HSPE1: variants seen among roughly 807,000 people sequenced by gnomAD.
The protein encoded by HSPE1 is heat shock protein family E (Hsp10) member 1, also known as 10 kDa heat shock protein, mitochondrial.
In HSPE1, 1 loss-of-function variant was observed where a neutral mutation model predicts 13.2. The ratio of observed to expected loss-of-function variants is 0.08; its 90% confidence interval spans 0.03 to 0.36. The LOEUF is 0.36. HSPE1 is among the 10% of genes least tolerant of loss of function. The probability of loss-of-function intolerance (pLI) is 0.99; values close to 1 mark genes in which losing one functional copy is unlikely to be tolerated. For synonymous variants in HSPE1, 44 were observed against 42.0 expected (o/e 1.05, Z -0.19); for missense variants, 73 against 118.7 (o/e 0.62, Z 1.79).
Position 197,500,426 on chromosome 2 carries a change from C to G in HSPE1, c.-11C>G, listed in dbSNP as rs779789550. On this transcript the variant is annotated 5_prime_UTR_variant, in exon 1 of 4. Transcript: ENST00000233893. Reference sequence around the variant, plus strand: ...ACTAGAGCAGAGTACGAGTCTGAGGCGGAGGGAGTAATGGTGAGTCCCGCG... The same window carrying G: ...ACTAGAGCAGAGTACGAGTCTGAGGGGGAGGGAGTAATGGTGAGTCCCGCG... The G allele has an allele frequency of 4.8e-5, 76 of 1,583,224 alleles. No individual in the cohort carries two copies. Among genetic ancestry groups the G allele is most frequent in the Middle Eastern group, 3.4e-4 (2 of 5,942 alleles).
chr2:197,501,145 T>C lies in HSPE1; in HGVS notation c.75T>C (p.Thr25=). ...TGGTTGAAAGGAGTGCTGCTGAAAC[T>C]GTAACCAAAGGAGGCATTATGCTTC... ...RVLVERSAAE[T]VTKGGIMLPE... Residue 25 remains threonine, a synonymous_variant, in exon 2 of 4, where the codon ACT becomes ACC. Transcript: ENST00000233893. The C allele has an allele frequency of 1.9e-6, 3 of 1,614,170 alleles. No homozygotes were observed. The highest frequency in any genetic ancestry group is 8.5e-7 in the Non-Finnish European group (1 of 1,179,994).
chr2:197,501,104 C>A lies in HSPE1; in HGVS notation c.34C>A (p.Leu12Ile), dbSNP rs2086248653. The change falls in exon 2 of 4, where the codon CTC becomes ATC. Residue 12 changes from leucine to isoleucine, a missense_variant. Leu to Ile is a conservative substitution (Grantham distance 5, BLOSUM62 2). Transcript: ENST00000233893. ...ACAAGCGTTTAGAAAGTTTCTTCCA[C>A]TCTTTGACCGAGTATTGGTTGAAAG... Reference protein sequence around the residue: ...AGQAFRKFLPLFDRVLVERSA... With the variant: ...AGQAFRKFLPIFDRVLVERSA... 3.7e-6 allele frequency: 6 copies of A among 1,613,868 alleles called. No homozygotes were observed. The highest frequency in any genetic ancestry group is 5.1e-6 in the Non-Finnish European group (6 of 1,179,904).
chr2:197,500,868 A>C lies in HSPE1; in HGVS notation c.4-206A>C. The C allele has an allele frequency of 9.4e-6, 6 of 637,454 alleles. No homozygotes were observed. In the South Asian group the frequency reaches 1.3e-4, roughly 14 times the overall value. The allele number at this position is 637,454 out of a possible 1,614,324, so 39.5% of individuals were successfully genotyped here. On this transcript the variant is annotated intron_variant, in intron 1 of 3. Transcript: ENST00000233893. ...GGTCTGGTTGCTCACCGGAGGAGCG[A>C]CAACGACCCCTAACAGACGTAAGGA...
At chr2:197,502,810 C>T (rs2106087052) in intron 2 of HSPE1, among the ~76,000 whole-genome samples, 1 of 152,152 alleles carries the variant, frequency 6.6e-6, no homozygotes, top group South Asian at 2.1e-4. Flanking sequence ...ACGTTGGAGT[C>T]AGGTTTTAGT....
Position 197,501,224 on chromosome 2 carries a change from G to T in HSPE1, c.154G>T (p.Gly52Cys). The change falls in exon 2 of 4, where the codon GGT becomes TGT. Residue 52 changes from glycine (G) to cysteine (C), a missense_variant. Transcript: ENST00000233893. ...AGCAACAGTAGTCGCTGTTGGATCG[G>T]GTTCTAAAGGAAAGGTAAATGGGAG... ...LQATVVAVGS[G>C]SKGKGGEIQP... 1 of 1,611,916 alleles carries T rather than the reference G, an allele frequency of 6.2e-7. No homozygotes were observed. Among genetic ancestry groups the T allele is most frequent in the South Asian group, 1.1e-5 (1 of 90,812 alleles).
At chr2:197,501,653 C>T (rs1389112061) in intron 2 of HSPE1, 1 of 152,588 alleles carries the variant, frequency 6.6e-6, no homozygotes, top group Non-Finnish European at 1.5e-5. Context: ...ATCCCAGCTA[C>T]TGGGGAGGCT....
In HSPE1 at chr2:197,503,100, G is replaced by A; in HGVS notation, c.230G>A (p.Gly77Glu). ...VGDKVLLPEY[G>E]GTKVVLDDKD... ...GATAAAGTTCTTCTCCCAGAATATG[G>A]AGGCACCAAAGTAGTTCTAGATGAC... is the stretch of plus-strand genomic sequence containing the variant. Residue 77 changes from glycine to glutamate, a missense_variant, in exon 3 of 4, where the codon GGA (glycine) becomes GAA (glutamate). Transcript: ENST00000233893. 6.2e-7 allele frequency: 1 copy of A among 1,608,232 alleles called. No homozygotes were observed. The highest frequency in any genetic ancestry group is 8.5e-7 in the Non-Finnish European group (1 of 1,175,734).
At chr2:197,501,686 C>T (rs991226840) in intron 2 of HSPE1, 3 of 152,070 alleles carry the variant, frequency 2.0e-5, no homozygotes, top group African/African-American at 7.3e-5. Context: ...TCATTTGAAC[C>T]CTGGAGGCGG....
At position 197,502,952 on chromosome 2, in the gene HSPE1, T is replaced by G. The variant is rs1263558729; in HGVS notation, c.169-87T>G. 5.6e-6 allele frequency: 4 copies of G among 717,700 alleles called. No individual in the cohort carries two copies. The African/African-American group carries it at 7.1e-5, about 13-fold the overall frequency. The allele number at this position is 717,700 out of a possible 1,614,324, so 44.5% of individuals were successfully genotyped here. A position where few individuals can be genotyped will look rare whatever the true frequency, so the allele number is the denominator to read the frequency against. On this transcript the variant is annotated intron_variant, in intron 2 of 3. Transcript: ENST00000233893. ...ATATAATTGGATTTGAGTGACCATG[T>G]TTCATTAGTTGTAGTGATTTAAAAG... is the stretch of plus-strand genomic sequence containing the variant.
chr2:197,500,591 CCCGA>C (rs2086238803), intron 1 of HSPE1, 152 bp downstream of exon 1: 2 of 1,202,466 alleles, frequency 1.7e-6, no homozygotes, highest in African/African-American at 3.0e-5. Flanking sequence ...GCAAGGCCCG[CCCGA>C]CCCTTTTCTC....
intron 2 of HSPE1, 112 bp downstream of exon 2, chr2:197,501,350 A>T: frequency 8.2e-7 from 1 of 1,219,620 alleles, no homozygotes; most frequent in South Asian, 1.7e-5. Flanking sequence ...CGTTTTCAAG[A>T]TCATTAACTG....
At chr2:197,500,580 G>C in intron 1 of HSPE1, 141 bp downstream of exon 1, 1 of 1,292,712 alleles carries the variant, frequency 7.7e-7, no homozygotes, top group Non-Finnish European at 1.1e-6. Flanking sequence ...ACCTTGGAGC[G>C]GCAAGGCCCG....
rs2086248816 is a variant in HSPE1, at chr2:197,501,113, C to A, written c.43C>A (p.Arg15=). Residue 15 remains arginine (R), a synonymous_variant, in exon 2 of 4, where the codon CGA becomes AGA. Transcript: ENST00000233893. ...AFRKFLPLFD[R]VLVERSAAET... Reference sequence around the variant, plus strand: ...TAGAAAGTTTCTTCCACTCTTTGACCGAGTATTGGTTGAAAGGAGTGCTGC... The same window carrying A: ...TAGAAAGTTTCTTCCACTCTTTGACAGAGTATTGGTTGAAAGGAGTGCTGC... 2 of 1,613,834 alleles carry A rather than the reference C, an allele frequency of 1.2e-6. No individual in the cohort carries two copies. The highest frequency in any genetic ancestry group is 1.7e-6 in the Non-Finnish European group (2 of 1,179,928).
At chr2:197,501,937 A>ATTCAAAATCAGGAG (rs994026903) in intron 2 of HSPE1, among the ~76,000 whole-genome samples, 1 of 152,138 alleles carries the variant, frequency 6.6e-6, no homozygotes, top group Non-Finnish European at 1.5e-5. Context: ...TGAGCTCAGG[A>ATTCAAAATCAGGAG]TTCAAAATCA....
chr2:197,500,510 C>A, intron 1 of HSPE1, 71 bp downstream of exon 1: 1 of 1,233,424 alleles, frequency 8.1e-7, no homozygotes, highest in East Asian at 2.5e-5. Flanking sequence ...CCTGACGCCC[C>A]TCTTTTGTTG....
intron 2 of HSPE1, among the ~76,000 whole-genome samples, chr2:197,501,753 G>A (rs555818522): frequency 1.4e-4 from 20 of 143,100 alleles, no homozygotes; most frequent in Non-Finnish European, 2.7e-4. Flanking sequence ...GGGGGACAGG[G>A]CGAGATTCTG....
In HSPE1 at chr2:197,500,398, T is replaced by TTC; in HGVS notation, c.-39_-38insTC. 1 of 1,595,972 alleles carries TTC rather than the reference T, an allele frequency of 6.3e-7. No individual in the cohort carries two copies. The highest frequency in any genetic ancestry group is 8.5e-7 in the Non-Finnish European group (1 of 1,172,030). On this transcript the variant is annotated 5_prime_UTR_variant, in exon 1 of 4. Coordinates refer to ENST00000233893, the MANE Select transcript of HSPE1 (RefSeq NM_002157.3). ...CGGACTGCGAGTCTCTTTGCGGCGC[T>TTC]ACACTAGAGCAGAGTACGAGTCTGA...
At chr2:197,501,758 A>G (rs10166418) in intron 2 of HSPE1, among the ~76,000 whole-genome samples, 6,540 of 124,414 alleles carry the variant, frequency 0.053, 484 homozygotes, top group African/African-American at 0.18. Flanking sequence ...ACAGGGCGAG[A>G]TTCTGTCTCA....
At position 197,502,066 on chromosome 2, in the gene HSPE1, A is replaced by G. The variant is rs954555994; in HGVS notation, c.168+828A>G. Among the ~76,000 whole-genome samples the G allele has an allele frequency of 5.3e-5, 8 of 152,266 alleles. No individual in the cohort carries two copies. The East Asian group carries it at 1.5e-3, about 29-fold the overall frequency. On this transcript the variant is annotated intron_variant, in intron 2 of 3. Transcript: ENST00000233893. ...ATTTAAGAATTGAGAGGAAACTTGG[A>G]CTGTTCGTTTAACCCCTAACACATT... is the stretch of plus-strand genomic sequence containing the variant.
Sources: gnomAD v4.1 joint callset for allele counts (sites outside exome capture counted in the v4.1 genomes callset) on GRCh38, gnomAD v4.1.1 for gene constraint, MANE v1.5 for transcripts, NCBI Gene and HGNC (gene_info 2026-07-23, HGNC 2026-07-21) for gene names.